The following JAK2 variants were observed in gnomAD, a reference collection of about 807,000 sequenced individuals.
The protein encoded by JAK2 is Janus kinase 2.
JAK2 carries 86 observed loss-of-function variants against 139.3 expected under a neutral mutation model. That is an observed-to-expected ratio of 0.62 (90% CI 0.52 to 0.74). The LOEUF (loss-of-function observed/expected upper bound fraction) is 0.74, where lower values mean the gene tolerates loss of function less well. Ranked by LOEUF, JAK2 falls within the 30% of genes least tolerant of loss-of-function variation. The pLI is 0.00. For synonymous variants in JAK2, 490 were observed against 437.7 expected, an observed-to-expected ratio of 1.12 and a Z score of -1.49; for missense variants, 1,421 against 1,360.3, an observed-to-expected ratio of 1.04 and a Z score of -0.70.
intron 4 of JAK2, among the ~76,000 whole-genome samples, chr9:5,036,487 C>T (rs1369610999): frequency 4.6e-5 from 7 of 152,176 alleles, no homozygotes; most frequent in Non-Finnish European, 8.8e-5. Flanking sequence ...TACTACAAGG[C>T]TACAGTAACC....
chr9:4,994,240 A>G (rs1252396881), intron 2 of JAK2, among the ~76,000 whole-genome samples: 2 of 152,198 alleles, frequency 1.3e-5, no homozygotes, highest in Non-Finnish European at 2.9e-5. Context: ...CTATGGAAAA[A>G]TGGATTTTGT....
rs560402732 is a variant in JAK2, at chr9:5,043,395, C to T, written c.351-1008C>T. On this transcript the variant is annotated intron_variant, in intron 4 of 24. Transcript: ENST00000381652. Reference sequence around the variant, plus strand: ...ATTAGAGAAATACAAATCAAAACCACGATGGGATAATAATAGGTCTACAAG... The same window carrying T: ...ATTAGAGAAATACAAATCAAAACCATGATGGGATAATAATAGGTCTACAAG... Among the ~76,000 whole-genome samples the T allele has an allele frequency of 2.0e-5, 3 of 151,494 alleles. No individual in the cohort carries two copies. In the East Asian group the frequency reaches 5.8e-4, roughly 29 times the overall value.
intron 19 of JAK2, chr9:5,085,011 A>G: frequency 1.2e-6 from 1 of 845,164 alleles, no homozygotes; most frequent in Non-Finnish European, 1.9e-6. Context: ...ATGTCTTGTG[A>G]GTACAATTTC....
chr9:5,030,633 G>T (rs910221764), intron 4 of JAK2, among the ~76,000 whole-genome samples: 4 of 152,034 alleles, frequency 2.6e-5, no homozygotes, highest in African/African-American at 9.7e-5. Flanking sequence ...TCCAAGCCTG[G>T]TTTGCTTCAT....
intron 22 of JAK2, chr9:5,111,300 G>A (rs1469165500): frequency 8.5e-6 from 4 of 468,182 alleles, no homozygotes; most frequent in Non-Finnish European, 1.2e-5. Context: ...GGGCAAGCTG[G>A]CCCTCAGCAG....
In JAK2 at chr9:5,054,542, T is replaced by C; in HGVS notation, c.615-21T>C. ...ATTTTTGTTTTGTTTTGTTTTTCTG[T>C]ATGTGCTTTTTTATCCCTAGCTACA... On this transcript the variant is annotated intron_variant, in intron 6 of 24. Coordinates refer to ENST00000381652, the MANE Select transcript of JAK2 (RefSeq NM_004972.4). The surrounding 1 kb of genome is among the most constrained non-coding windows in gnomAD (Gnocchi z 4.9). 6.5e-7 allele frequency: 1 copy of C among 1,532,440 alleles called. No homozygotes were observed. The highest frequency in any genetic ancestry group is 8.8e-7 in the Non-Finnish European group (1 of 1,137,190). The allele number at this position is 1,532,440 out of a possible 1,614,324, so 94.9% of individuals were successfully genotyped here. A position where few individuals can be genotyped will look rare whatever the true frequency, so the allele number is the denominator to read the frequency against.
chr9:5,127,150 A>T lies in JAK2; in HGVS notation c.*359A>T, dbSNP rs909661916. ...TTGCAATGTTAAAGATGCACAGAAT[A>T]TGTATGTATAGTTTTTACCACAGTG... On this transcript the variant is annotated 3_prime_UTR_variant, in exon 25 of 25. Transcript: ENST00000381652. 1.2e-5 allele frequency: 3 copies of T among 257,152 alleles called. No homozygotes were observed. The highest frequency in any genetic ancestry group is 2.3e-5 in the Non-Finnish European group (3 of 133,282). The allele number at this position is 257,152 out of a possible 1,614,324, so 15.9% of individuals were successfully genotyped here. A position where few individuals can be genotyped will look rare whatever the true frequency, so the allele number is the denominator to read the frequency against.
At chr9:5,006,751 C>A (rs1193272457) in intron 2 of JAK2, among the ~76,000 whole-genome samples, 1 of 152,216 alleles carries the variant, frequency 6.6e-6, no homozygotes, top group African/African-American at 2.4e-5. Flanking sequence ...AGTCACCTCT[C>A]ACCAGGCCAC....
rs779879168 is a variant in JAK2, at chr9:5,050,741, A to T, written c.524A>T (p.Gln175Leu). Reference protein sequence around the residue: ...WIKVPVTHETQEECLGMAVLD... With the variant: ...WIKVPVTHETLEECLGMAVLD... ...AAAGTACCTGTGACTCATGAAACAC[A>T]GGAAGAATGTCTTGGGATGGCAGTG... The change falls in exon 6 of 25, where the codon CAG becomes CTG. Residue 175 changes from glutamine (Q) to leucine (L), a missense_variant. Transcript: ENST00000381652. The T allele has an allele frequency of 1.2e-6, 2 of 1,613,892 alleles. No individual in the cohort carries two copies. Among genetic ancestry groups the T allele is most frequent in the Non-Finnish European group, 1.7e-6 (2 of 1,179,816 alleles).
At chr9:5,061,297 C>T (rs1348830864) in intron 8 of JAK2, among the ~76,000 whole-genome samples, 1 of 152,238 alleles carries the variant, frequency 6.6e-6, no homozygotes, top group Non-Finnish European at 1.5e-5. Flanking sequence ...ACTGACTTCT[C>T]CTCTCTAGCT....
At chr9:5,125,465 G>A (rs1180691667) in intron 23 of JAK2, among the ~76,000 whole-genome samples, 1 of 151,254 alleles carries the variant, frequency 6.6e-6, no homozygotes, top group East Asian at 1.9e-4. Context: ...ACACTTCAGT[G>A]AACATAGTGA....
At chr9:5,041,314 G>A (rs1005276418) in intron 4 of JAK2, 42 of 781,754 alleles carry the variant, frequency 5.4e-5, no homozygotes, top group Non-Finnish European at 8.2e-5. Context: ...AGCACATCCC[G>A]TGCAGCCAGC....
chr9:4,984,531 G>C (rs553014220), upstream of JAK2: 5 of 152,338 alleles, frequency 3.3e-5, no homozygotes, highest in African/African-American at 1.2e-4. Context: ...GTGGCTGATG[G>C]GAGTCAGGCT....
intron 23 of JAK2, among the ~76,000 whole-genome samples, chr9:5,123,428 T>G (rs962759597): frequency 2.0e-5 from 3 of 152,116 alleles, no homozygotes; most frequent in Non-Finnish European, 2.9e-5. Context: ...TATGGCTGAT[T>G]TGTTTCACTT....
rs928760012 is a variant in JAK2 at position 5,007,018 on chromosome 9, C to CT, written c.-25-14938dup. Among the ~76,000 whole-genome samples the CT allele has an allele frequency of 1.4e-4, 21 of 152,142 alleles. No homozygotes were observed. The South Asian group carries it at 3.7e-3, about 27-fold the overall frequency. Reference sequence around the variant, plus strand: ...ATATTGATAATTTATGTTTTATCTTCTTTTTTTCTTGATCAGTCTTTCTAG... The same window carrying CT: ...ATATTGATAATTTATGTTTTATCTTCTTTTTTTTCTTGATCAGTCTTTCTAG... On this transcript the variant is annotated intron_variant, in intron 2 of 24. Coordinates refer to ENST00000381652, the MANE Select transcript of JAK2 (RefSeq NM_004972.4).
intron 15 of JAK2, 57 bp downstream of exon 15, chr9:5,077,637 C>G (rs919058636): frequency 1.1e-4 from 121 of 1,113,220 alleles, no homozygotes; most frequent in Admixed American, 5.4e-4. Flanking sequence ...AAACAATATA[C>G]AAATTATCTT....
At chr9:5,015,639 C>T (rs1822004376) in intron 2 of JAK2, among the ~76,000 whole-genome samples, 2 of 151,572 alleles carry the variant, frequency 1.3e-5, no homozygotes, top group South Asian at 4.2e-4. Flanking sequence ...CTCCTGGGCT[C>T]AAGTGATCCT....
chr9:5,114,720 A>G, intron 22 of JAK2: 2 of 380,282 alleles, frequency 5.3e-6, no homozygotes, highest in South Asian at 4.2e-5. Flanking sequence ...ATGGGAACAG[A>G]AAAACGAGTT....
rs199661171 is a variant in JAK2 at position 5,080,541 on chromosome 9, A to G, written c.2292A>G (p.Gln764=). 75 of 1,586,814 alleles carry G rather than the reference A, an allele frequency of 4.7e-5. No homozygotes were observed. The highest frequency in any genetic ancestry group is 1.7e-4 in the Middle Eastern group (1 of 5,906). Residue 764 remains glutamine, a synonymous_variant, in exon 18 of 25, where the codon CAA becomes CAG. Transcript: ENST00000381652. ...TGGTTCTTTAATTATAGAAGCTACAATTTTATGAAGATAGGCATCAGCTTC... is the reference window on the plus strand; with the variant it reads ...TGGTTCTTTAATTATAGAAGCTACAGTTTTATGAAGATAGGCATCAGCTTC... The part of the protein sequence containing the change: ...LSALDSQRKL[Q]FYEDRHQLPA...
Sources: gnomAD v4.1 joint callset for allele counts (sites outside exome capture counted in the v4.1 genomes callset) on GRCh38, gnomAD v4.1.1 for gene constraint, Gnocchi (gnomAD v3.1) non-coding constraint, MANE v1.5 for transcripts, NCBI Gene and HGNC (gene_info 2026-07-23, HGNC 2026-07-21) for gene names.